Variants in ZFHX3 observed in about 807,000 individuals in gnomAD.
ZFHX3 encodes zinc finger homeobox protein 3.
ZFHX3 carries 42 observed loss-of-function variants against 279.1 expected under a neutral mutation model. That is an observed-to-expected ratio of 0.15 (90% CI 0.12 to 0.19). The LOEUF is 0.19. Ranked by LOEUF, ZFHX3 falls within the 10% of genes least tolerant of loss-of-function variation. The probability of loss-of-function intolerance (pLI) is 1.00; values close to 1 mark genes in which losing one functional copy is unlikely to be tolerated. For missense variants in ZFHX3, 4,981 were observed against 4,754.0 expected (o/e 1.05, Z -1.40); for synonymous variants, 2,293 against 1,957.8 (o/e 1.17, Z -4.52).
chr16:73,093,647 A>G, intron 7 of ZFHX3: 1 of 476,552 alleles, frequency 2.1e-6, no homozygotes, highest in South Asian at 1.5e-5. Context: ...GCCTCTCCCC[A>G]CAGAATACAG....
At chr16:73,566,294 C>T (rs574259139) in intron 2 of ZFHX3, among the ~76,000 whole-genome samples, 1 of 152,196 alleles carries the variant, frequency 6.6e-6, no homozygotes, top group Admixed American at 6.5e-5. Context: ...ACCTAAAATA[C>T]CCACAATGGG....
chr16:73,495,671 A>G (rs553033682), intron 2 of ZFHX3, among the ~76,000 whole-genome samples: 37 of 152,286 alleles, frequency 2.4e-4, no homozygotes, highest in Non-Finnish European at 4.4e-4. Context: ...GCCCCTGAAA[A>G]GACGTTAAGG....
At chr16:73,291,606 C>G (rs2143100390) in intron 4 of ZFHX3, among the ~76,000 whole-genome samples, 1 of 152,308 alleles carries the variant, frequency 6.6e-6, no homozygotes, top group African/African-American at 2.4e-5. Context: ...CATCTGTTCT[C>G]TCGCCTCTCC....
Position 72,957,443 on chromosome 16 carries a change from G to A in ZFHX3, c.2703C>T (p.Ala901=). 6.2e-7 allele frequency: 1 copy of A among 1,610,368 alleles called. No homozygotes were observed. The highest frequency in any genetic ancestry group is 8.5e-7 in the Non-Finnish European group (1 of 1,177,908). ...FQLDPAGPMA[A]MTPALVGGEI... ...CATCCTCACCTAGAGCAGGCGTCAT[G>A]GCGGCCATGGGCCCGGCGGGATCCA... The change falls in exon 2 of 10, where the codon GCC becomes GCT. Residue 901 remains alanine, a synonymous_variant. Coordinates refer to ENST00000268489, the MANE Select transcript of ZFHX3 (RefSeq NM_006885.4).
chr16:72,992,101 C>G (rs1963116250), intron 1 of ZFHX3, among the ~76,000 whole-genome samples: 1 of 152,238 alleles, frequency 6.6e-6, no homozygotes, highest in Admixed American at 6.5e-5. Flanking sequence ...ACTGATCTTT[C>G]TCACATAGTC....
At chr16:73,651,459 A>C (rs1053896400) in intron 2 of ZFHX3, among the ~76,000 whole-genome samples, 2 of 152,006 alleles carry the variant, frequency 1.3e-5, no homozygotes, top group Non-Finnish European at 2.9e-5. Context: ...AAAAAGGAAG[A>C]AAGCAACACA....
chr16:73,818,363 G>A (rs1960637949), intron 1 of ZFHX3, among the ~76,000 whole-genome samples: 1 of 152,118 alleles, frequency 6.6e-6, no homozygotes. Context: ...TCATCAGATT[G>A]GCTGACATTA....
intron 2 of ZFHX3, among the ~76,000 whole-genome samples, chr16:73,583,334 G>A (rs2051881111): frequency 6.6e-6 from 1 of 152,102 alleles, no homozygotes; most frequent in South Asian, 2.1e-4. Context: ...AGAAACCTGT[G>A]GTACTAAGAA....
At chr16:73,367,444 T>C (rs1037812399) in intron 3 of ZFHX3, among the ~76,000 whole-genome samples, 10 of 152,286 alleles carry the variant, frequency 6.6e-5, no homozygotes, top group African/African-American at 2.4e-4. Context: ...TTAAAAATGA[T>C]GGTACCTTTG....
intron 5 of ZFHX3, among the ~76,000 whole-genome samples, chr16:73,219,058 T>C (rs1217201993): frequency 6.6e-6 from 1 of 152,226 alleles, no homozygotes; most frequent in Admixed American, 6.5e-5. Flanking sequence ...TGTAGCCCTT[T>C]GTGTCTGGTC....
At position 72,796,411 on chromosome 16, in the gene ZFHX3, G is replaced by A. The variant is rs918338347; in HGVS notation, c.6271C>T (p.Pro2091Ser). ...PSVPLTQLSMPMELPIFSPLM... is the reference protein window; with the variant it reads ...PSVPLTQLSMSMELPIFSPLM... Reference sequence around the variant, plus strand: ...GGCGAGAAGATGGGCAGCTCCATCGGCATGGAGAGCTGGGTGAGCGGCACT... The same window carrying A: ...GGCGAGAAGATGGGCAGCTCCATCGACATGGAGAGCTGGGTGAGCGGCACT... The change falls in exon 9 of 10, where the codon CCG becomes TCG. Residue 2091 changes from proline to serine, a missense_variant. By Grantham distance (74) the Pro-to-Ser change is moderately conservative (BLOSUM62 -1). This residue lies in a region of ZFHX3 where 1,751 missense variants were observed against 1,770.0 expected (regional missense o/e 0.99). Coordinates refer to ENST00000268489, the MANE Select transcript of ZFHX3 (RefSeq NM_006885.4). 6.2e-6 allele frequency: 10 copies of A among 1,612,154 alleles called. No homozygotes were observed. Among genetic ancestry groups the A allele is most frequent in the Non-Finnish European group, 7.6e-6 (9 of 1,180,018 alleles).
intron 2 of ZFHX3, among the ~76,000 whole-genome samples, chr16:73,456,955 G>A (rs571894702): frequency 6.6e-6 from 1 of 152,320 alleles, no homozygotes; most frequent in African/African-American, 2.4e-5. Flanking sequence ...CCGCTTCAGC[G>A]AGGCGTAATA....
chr16:72,788,857 A>G lies in ZFHX3; in HGVS notation c.9428-9T>C. ...CTTAGGAGACGTTAAAGCTGAAAGG[A>G]ATGGAGACAGAAATCACCGGTCAGT... On this transcript the variant is annotated splice_polypyrimidine_tract_variant and intron_variant, in intron 9 of 9. Transcript: ENST00000268489. The G allele has an allele frequency of 6.6e-7, 1 of 1,516,184 alleles. No individual in the cohort carries two copies. Among genetic ancestry groups the G allele is most frequent in the Non-Finnish European group, 8.8e-7 (1 of 1,134,340 alleles). 93.9% of individuals were successfully genotyped at this position (1,516,184 alleles called of 1,614,324 possible).
chr16:73,000,705 C>A (rs1963460901), intron 1 of ZFHX3, among the ~76,000 whole-genome samples: 1 of 152,176 alleles, frequency 6.6e-6, no homozygotes, highest in African/African-American at 2.4e-5. Flanking sequence ...TCAAATTACG[C>A]TAGACATGCC....
At chr16:73,079,456 C>G (rs1438597933) in intron 8 of ZFHX3, among the ~76,000 whole-genome samples, 2 of 152,074 alleles carry the variant, frequency 1.3e-5, no homozygotes, top group Non-Finnish European at 2.9e-5. Flanking sequence ...ACCCAGGAGG[C>G]AGAGGTTGGG....
chr16:72,981,706 C>A (rs943285246), intron 1 of ZFHX3, among the ~76,000 whole-genome samples: 1 of 152,092 alleles, frequency 6.6e-6, no homozygotes, highest in African/African-American at 2.4e-5. Flanking sequence ...AGCACACCCT[C>A]CAACTTCAAT....
intron 2 of ZFHX3, among the ~76,000 whole-genome samples, chr16:73,543,137 A>G (rs944682188): frequency 6.6e-6 from 1 of 152,238 alleles, no homozygotes; most frequent in Non-Finnish European, 1.5e-5. Context: ...CAGAGCGCAC[A>G]CAGGTGATTA....
At chr16:73,653,612 C>A (rs117905120) in intron 2 of ZFHX3, among the ~76,000 whole-genome samples, 1 of 150,018 alleles carries the variant, frequency 6.7e-6, no homozygotes, top group Admixed American at 6.6e-5. Flanking sequence ...AGTGAAAATT[C>A]GGAAAAGTTA....
chr16:73,305,179 C>T (rs1054018571), intron 4 of ZFHX3, among the ~76,000 whole-genome samples: 1 of 152,088 alleles, frequency 6.6e-6, no homozygotes, highest in African/African-American at 2.4e-5. Flanking sequence ...GGCGGGGTGG[C>T]CAGGTGGGAG....
Sources: allele counts gnomAD v4.1 joint callset (sites outside exome capture counted in the v4.1 genomes callset), GRCh38; gene constraint gnomAD v4.1.1; regional missense constraint gnomAD v4.1.1; transcripts MANE v1.5; gene names NCBI Gene and HGNC (gene_info 2026-07-23, HGNC 2026-07-21).